Variants in DNAI3 observed in about 807,000 individuals in gnomAD.
DNAI3 encodes the protein dynein axonemal intermediate chain 3, also known as WD repeat domain 63.
A neutral mutation model predicts 115.5 loss-of-function variants in DNAI3; 83 were observed. That is an observed-to-expected ratio of 0.72 (90% CI 0.60 to 0.86). DNAI3 has a LOEUF of 0.86. Ranked by LOEUF, DNAI3 falls within the 40% of genes least tolerant of loss-of-function variation. The probability of loss-of-function intolerance (pLI) is 0.00; values close to 1 mark genes in which losing one functional copy is unlikely to be tolerated. For missense variants in DNAI3, 1,004 were observed against 1,075.8 expected, an observed-to-expected ratio of 0.93 and a Z score of 0.93; for synonymous variants, 320 against 347.0, an observed-to-expected ratio of 0.92 and a Z score of 0.86.
At chr1:85,126,942 C>T (rs898086517) in intron 20 of DNAI3, among the ~76,000 whole-genome samples, 2 of 151,998 alleles carry the variant, frequency 1.3e-5, no homozygotes, top group Non-Finnish European at 2.9e-5. Context: ...AAACTTTGGA[C>T]ACAACCTGAG....
intron 4 of DNAI3, among the ~76,000 whole-genome samples, 168 bp downstream of exon 4, chr1:85,081,583 G>A (rs1193542039): frequency 1.3e-5 from 2 of 152,152 alleles, no homozygotes; most frequent in Non-Finnish European, 2.9e-5. Context: ...TCTGTGAAAA[G>A]CAAAGTTCCA....
intron 1 of DNAI3, among the ~76,000 whole-genome samples, chr1:85,064,798 C>T (rs537183703): frequency 2.0e-5 from 3 of 151,998 alleles, no homozygotes; most frequent in East Asian, 3.9e-4. Context: ...TTTGGGAGGC[C>T]GAGGCAGGCA....
intron 3 of DNAI3, among the ~76,000 whole-genome samples, chr1:85,080,074 CAG>C (rs1654587211): frequency 1.0e-5 from 1 of 99,292 alleles, no homozygotes; most frequent in African/African-American, 4.0e-5. Flanking sequence ...TTTTTTGAGA[CAG>C]AGTCTCCCTC....
intron 20 of DNAI3, 25 bp from the exon 21 acceptor site, chr1:85,128,683 C>T (rs1221166805): frequency 1.3e-6 from 2 of 1,578,682 alleles, no homozygotes; most frequent in Admixed American, 3.7e-5. Context: ...TGATTTTTTC[C>T]TCCCATTTAT....
intron 1 of DNAI3, 135 bp from the exon 2 acceptor site, chr1:85,071,793 T>C: frequency 1.0e-5 from 8 of 797,936 alleles, no homozygotes; most frequent in Non-Finnish European, 1.4e-5. Context: ...TCTATGAAGA[T>C]ACAGGTTGAT....
At chr1:85,066,589 A>G (rs1450244355) in intron 1 of DNAI3, among the ~76,000 whole-genome samples, 2 of 151,854 alleles carry the variant, frequency 1.3e-5, no homozygotes, top group African/African-American at 4.8e-5. Context: ...CGGCCTCCCA[A>G]AGTTTTGGGA....
chr1:85,072,414 C>A (rs1194717216), intron 2 of DNAI3, among the ~76,000 whole-genome samples: 1 of 145,728 alleles, frequency 6.9e-6, no homozygotes, highest in African/African-American at 2.5e-5. Context: ...GAGGCCGAGG[C>A]GGTTGGATCA....
intron 14 of DNAI3, among the ~76,000 whole-genome samples, chr1:85,107,081 C>G (rs1437066042): frequency 3.9e-5 from 6 of 152,116 alleles, no homozygotes; most frequent in African/African-American, 1.4e-4. Flanking sequence ...CAAAAAGCAA[C>G]AAGTGTTGGT....
At chr1:85,101,007 G>C (rs1655289739) in intron 13 of DNAI3, among the ~76,000 whole-genome samples, 1 of 151,848 alleles carries the variant, frequency 6.6e-6, no homozygotes, top group Non-Finnish European at 1.5e-5. Flanking sequence ...AGCATTAGGA[G>C]ATATACCTAA....
chr1:85,093,377 G>T, intron 8 of DNAI3, 81 bp from the exon 9 acceptor site: 1 of 1,242,214 alleles, frequency 8.1e-7, no homozygotes. Flanking sequence ...ATAAATGAAG[G>T]AGGAGGAGTT....
At chr1:85,075,820 A>G (rs776033729) in intron 3 of DNAI3, among the ~76,000 whole-genome samples, 3 of 152,228 alleles carry the variant, frequency 2.0e-5, no homozygotes, top group African/African-American at 4.8e-5. Context: ...TATCAAGGCC[A>G]TTACAGACAT....
At chr1:85,065,048 A>G (rs1370645223) in intron 1 of DNAI3, among the ~76,000 whole-genome samples, 1 of 152,140 alleles carries the variant, frequency 6.6e-6, no homozygotes, top group South Asian at 2.1e-4. Context: ...AAATAAATAA[A>G]TAAATGTAGA....
chr1:85,093,620 C>T lies in DNAI3; in HGVS notation c.1020C>T (p.Thr340=), dbSNP rs376027346. ...ATAGCCCAACGGAGAAAATGATTACCTGTGTCTCATGGCATCCAACTATCT... is the reference window on the plus strand; with the variant it reads ...ATAGCCCAACGGAGAAAATGATTACTTGTGTCTCATGGCATCCAACTATCT... ...DLHSPTEKMI[T]CVSWHPTIYG... is the part of the protein sequence containing the mutation. Residue 340 remains threonine, a synonymous_variant, in exon 9 of 23, where the codon ACC becomes ACT. Transcript: ENST00000294664. The T allele has an allele frequency of 8.1e-6, 13 of 1,614,018 alleles. No homozygotes were observed. Among genetic ancestry groups the T allele is most frequent in the African/African-American group, 1.3e-5 (1 of 74,924 alleles).
At chr1:85,074,675 T>A (rs12063120) in intron 3 of DNAI3, among the ~76,000 whole-genome samples, 76,896 of 152,086 alleles carry the variant, frequency 0.51, 19,753 homozygotes, top group Middle Eastern at 0.55. Flanking sequence ...CTCGTTCGTG[T>A]ATTCTATACA....
rs549794750 is a variant in DNAI3 at position 85,065,318 on chromosome 1, C to CAGAG, written c.-15+2835_-15+2838dup. Among the ~76,000 whole-genome samples, 11 of 152,112 alleles carry CAGAG rather than the reference C, an allele frequency of 7.2e-5. No homozygotes were observed. The South Asian group carries it at 2.1e-3, about 29-fold the overall frequency. On this transcript the variant is annotated intron_variant, in intron 1 of 22. Transcript: ENST00000294664. ...GTGTGCTATCAACCTAGATAGCAAG[C>CAGAG]AGAGAGGGGGACTCTCTAAAATAAA...
At chr1:85,075,305 C>A (rs1332576930) in intron 3 of DNAI3, among the ~76,000 whole-genome samples, 2 of 152,160 alleles carry the variant, frequency 1.3e-5, no homozygotes, top group Non-Finnish European at 2.9e-5. Context: ...GTAAATATTT[C>A]TTAACTAAAT....
chr1:85,098,318 T>C (rs1655187786), intron 12 of DNAI3, among the ~76,000 whole-genome samples: 1 of 152,218 alleles, frequency 6.6e-6, no homozygotes, highest in Non-Finnish European at 1.5e-5. Context: ...ATAATACTTG[T>C]TAAGTTTAGA....
In DNAI3 at chr1:85,062,868, TC is replaced by T. The variant is rs371313556; in HGVS notation, c.-15+383del. On this transcript the variant is annotated intron_variant, in intron 1 of 22. Transcript: ENST00000294664. The stretch of plus-strand genomic sequence containing the variant: ...AAAACAGCATGATTCTGATTATCCG[TC>T]TAGGGGCGGGGGTCAAACAATAAAA... Among the ~76,000 whole-genome samples the T allele has an allele frequency of 3.5e-4, 53 of 152,234 alleles. No individual in the cohort carries two copies. The South Asian group carries it at 0.011, about 32-fold the overall frequency.
chr1:85,119,537 A>G (rs571117734), intron 17 of DNAI3, among the ~76,000 whole-genome samples: 2 of 152,352 alleles, frequency 1.3e-5, no homozygotes, highest in Admixed American at 6.5e-5. Flanking sequence ...AAATTAAAGC[A>G]TGACACCCCC....
Sources: gnomAD v4.1 joint callset for allele counts (sites outside exome capture counted in the v4.1 genomes callset) on GRCh38, gnomAD v4.1.1 for gene constraint, MANE v1.5 for transcripts, NCBI Gene and HGNC (gene_info 2026-07-23, HGNC 2026-07-21) for gene names.